The following EXOC6B variants were observed in gnomAD, a reference collection of about 807,000 sequenced individuals.
EXOC6B encodes exocyst complex component 6B.
A neutral mutation model predicts 113.5 loss-of-function variants in EXOC6B; 54 were observed. That is an observed-to-expected ratio of 0.48 (90% CI 0.38 to 0.60). EXOC6B has a LOEUF of 0.60. Among genes scored for constraint, EXOC6B ranks in the 20% least tolerant of loss-of-function variants. The pLI, the probability that EXOC6B is intolerant of heterozygous loss-of-function variation, is 0.00. For missense variants in EXOC6B, 797 were observed against 977.5 expected, an observed-to-expected ratio of 0.82 and a Z score of 2.46; for synonymous variants, 357 against 339.0, an observed-to-expected ratio of 1.05 and a Z score of -0.58.
At chr2:72,719,306 C>G (rs1003100051) in intron 5 of EXOC6B, among the ~76,000 whole-genome samples, 2 of 152,198 alleles carry the variant, frequency 1.3e-5, no homozygotes, top group Non-Finnish European at 2.9e-5. Flanking sequence ...TAAGAAAAGT[C>G]TCCAGCTCTA....
At chr2:72,186,010 C>T (rs552805688) in intron 20 of EXOC6B, among the ~76,000 whole-genome samples, 34 of 151,480 alleles carry the variant, frequency 2.2e-4, no homozygotes, top group African/African-American at 5.8e-4. Context: ...TTTGTCCTTG[C>T]GATAGATAGT....
chr2:72,288,913 A>T, intron 20 of EXOC6B: 1 of 223,102 alleles, frequency 4.5e-6, no homozygotes, highest in Non-Finnish European at 9.1e-6. Flanking sequence ...TGGGAAAATT[A>T]TTGTGAACCT....
chr2:72,298,409 A>T (rs1266867813), intron 20 of EXOC6B, among the ~76,000 whole-genome samples: 2 of 152,150 alleles, frequency 1.3e-5, no homozygotes, highest in Non-Finnish European at 2.9e-5. Flanking sequence ...TCCTGAATAC[A>T]GCACACTGAT....
chr2:72,303,775 C>A (rs913988115), intron 20 of EXOC6B, among the ~76,000 whole-genome samples: 2 of 152,154 alleles, frequency 1.3e-5, no homozygotes. Context: ...ATTTGTGTTG[C>A]TGGAGTTCTT....
chr2:72,367,426 T>C (rs374992108), intron 19 of EXOC6B, among the ~76,000 whole-genome samples: 1 of 152,160 alleles, frequency 6.6e-6, no homozygotes. Context: ...AGCCCAATCA[T>C]ACTGAAAATT....
intron 6 of EXOC6B, among the ~76,000 whole-genome samples, chr2:72,659,608 T>C (rs1393166084): frequency 6.6e-6 from 1 of 152,110 alleles, no homozygotes; most frequent in Non-Finnish European, 1.5e-5. Context: ...GCATCCAAAA[T>C]TTCACTATTG....
At chr2:72,461,744 G>A (rs1217378097) in intron 18 of EXOC6B, 1 of 151,910 alleles carries the variant, frequency 6.6e-6, no homozygotes, top group Admixed American at 6.6e-5. Flanking sequence ...ATTTTAAGGG[G>A]TTTCTGAGGC....
At chr2:72,773,004 A>T (rs191069782) in intron 1 of EXOC6B, among the ~76,000 whole-genome samples, 1 of 152,200 alleles carries the variant, frequency 6.6e-6, no homozygotes, top group East Asian at 1.9e-4. Context: ...AAATGTAGAG[A>T]GCTACAAAAG....
At chr2:72,706,850 C>T (rs1270970124) in intron 6 of EXOC6B, among the ~76,000 whole-genome samples, 1 of 152,184 alleles carries the variant, frequency 6.6e-6, no homozygotes, top group Non-Finnish European at 1.5e-5. Context: ...TATAACACGA[C>T]TTCCAAGGCT....
intron 6 of EXOC6B, among the ~76,000 whole-genome samples, chr2:72,603,850 T>C (rs911626265): frequency 3.3e-5 from 5 of 152,098 alleles, no homozygotes; most frequent in African/African-American, 1.2e-4. Flanking sequence ...GCAAAAGATG[T>C]TTTTTGTTCC....
chr2:72,739,914 T>C (rs930905100), intron 2 of EXOC6B, among the ~76,000 whole-genome samples: 1 of 152,140 alleles, frequency 6.6e-6, no homozygotes, highest in Admixed American at 6.5e-5. Context: ...ACCTAATGTG[T>C]TTAAACTTAA....
At chr2:72,208,738 C>G (rs368639967) in intron 20 of EXOC6B, among the ~76,000 whole-genome samples, 3 of 152,252 alleles carry the variant, frequency 2.0e-5, no homozygotes, top group South Asian at 2.1e-4. Flanking sequence ...CTCAAAAACA[C>G]CAGTTCCAAA....
chr2:72,701,096 C>G (rs555935306), intron 6 of EXOC6B, among the ~76,000 whole-genome samples: 1 of 152,134 alleles, frequency 6.6e-6, no homozygotes, highest in Non-Finnish European at 1.5e-5. Flanking sequence ...GTAATCCCAA[C>G]ATTTTGGGAG....
At chr2:72,328,043 CCTT>C (rs1346486002) in intron 20 of EXOC6B, among the ~76,000 whole-genome samples, 1 of 152,016 alleles carries the variant, frequency 6.6e-6, no homozygotes, top group Non-Finnish European at 1.5e-5. Context: ...TCATGGTGTT[CCTT>C]CTTCTATTTT....
At chr2:72,370,290 T>C (rs1400771650) in intron 19 of EXOC6B, among the ~76,000 whole-genome samples, 3 of 152,056 alleles carry the variant, frequency 2.0e-5, no homozygotes, top group Non-Finnish European at 4.4e-5. Context: ...ATCAGAGAAA[T>C]ACAAATCAAA....
At position 72,289,572 on chromosome 2, in the gene EXOC6B, T is replaced by C. The variant is rs2420443; in HGVS notation, c.2196+45375A>G. Among the ~76,000 whole-genome samples, 828 of 152,260 alleles carry C rather than the reference T, an allele frequency of 5.4e-3. 8 individuals carry two copies. The highest frequency in any genetic ancestry group is 0.019 in the African/African-American group (773 of 41,552). On this transcript the variant is annotated intron_variant, in intron 20 of 21. Transcript: ENST00000272427. ...ATGTGTGTGTGTATTTTTTAACTAT[T>C]ACAAAATTTGAAAATGTTCTCATTT...
chr2:72,340,123 T>C (rs562647841), intron 19 of EXOC6B, among the ~76,000 whole-genome samples: 1 of 152,212 alleles, frequency 6.6e-6, no homozygotes, highest in Middle Eastern at 3.4e-3. Flanking sequence ...AAATTAACTT[T>C]AATTTGGTAT....
At chr2:72,537,465 A>C (rs1228220190) in intron 8 of EXOC6B, among the ~76,000 whole-genome samples, 1 of 151,446 alleles carries the variant, frequency 6.6e-6, no homozygotes, top group Non-Finnish European at 1.5e-5. Flanking sequence ...AAAAAAAAAA[A>C]AAAACCCCAC....
intron 6 of EXOC6B, among the ~76,000 whole-genome samples, chr2:72,704,672 A>T (rs1225433676): frequency 2.0e-5 from 3 of 152,074 alleles, no homozygotes; most frequent in African/African-American, 7.2e-5. Flanking sequence ...CAGAAATACA[A>T]ACTACCATCA....
Sources: gnomAD v4.1 joint callset for allele counts (sites outside exome capture counted in the v4.1 genomes callset) on GRCh38, gnomAD v4.1.1 for gene constraint, MANE v1.5 for transcripts, NCBI Gene and HGNC (gene_info 2026-07-23, HGNC 2026-07-21) for gene names.